MYO18B: variants seen among roughly 807,000 people sequenced by gnomAD.
MYO18B encodes the protein unconventional myosin-XVIIIb.
A neutral mutation model predicts 273.0 loss-of-function variants in MYO18B; 204 were observed. The ratio of observed to expected loss-of-function variants is 0.75; its 90% CI spans 0.67 to 0.84. MYO18B has a LOEUF of 0.84. Ranked by LOEUF, MYO18B falls within the 40% of genes least tolerant of loss-of-function variation. MYO18B has a pLI of 0.00. For missense variants in MYO18B, 3,212 were observed against 3,287.6 expected, an observed-to-expected ratio of 0.98 and a Z score of 0.56; for synonymous variants, 1,330 against 1,305.7, an observed-to-expected ratio of 1.02 and a Z score of -0.40.
intron 39 of MYO18B, among the ~76,000 whole-genome samples, chr22:25,989,758 A>G (rs1268200648): frequency 8.2e-6 from 1 of 122,296 alleles, no homozygotes; most frequent in East Asian, 2.2e-4. Flanking sequence ...AGATAGTGAG[A>G]CTCCGTCTCA....
chr22:26,003,092 C>T (rs1219012258), intron 40 of MYO18B, among the ~76,000 whole-genome samples, 173 bp from the exon 41 acceptor site: 4 of 152,226 alleles, frequency 2.6e-5, no homozygotes, highest in Non-Finnish European at 5.9e-5. Context: ...TTATTTGCCA[C>T]ATTTTAGGAA....
chr22:25,927,159 A>C (rs1190959719), intron 34 of MYO18B, among the ~76,000 whole-genome samples: 2 of 152,208 alleles, frequency 1.3e-5, no homozygotes, highest in East Asian at 3.8e-4. Flanking sequence ...CACCTTGAAA[A>C]AAGAACAGGA....
chr22:25,805,976 G>T (rs1226952173), intron 12 of MYO18B, among the ~76,000 whole-genome samples: 1 of 152,126 alleles, frequency 6.6e-6, no homozygotes. Context: ...TTTCATGTGG[G>T]ACGATTGATT....
chr22:25,907,680 C>T (rs915466962), intron 31 of MYO18B, among the ~76,000 whole-genome samples: 1 of 152,184 alleles, frequency 6.6e-6, no homozygotes, highest in African/African-American at 2.4e-5. Flanking sequence ...CCTATCCACT[C>T]ACCCAGAAAA....
In MYO18B at chr22:25,992,377, G is replaced by A. The variant is rs1253273086; in HGVS notation, c.6171G>A (p.Glu2057=). 2 of 1,614,012 alleles carry A rather than the reference G, an allele frequency of 1.2e-6. No homozygotes were observed. The highest frequency in any genetic ancestry group is 1.7e-6 in the Non-Finnish European group (2 of 1,179,868). The change falls in exon 40 of 44, where the codon GAG becomes GAA. Residue 2057 remains glutamate (E), a synonymous_variant. Coordinates refer to ENST00000335473, the MANE Select transcript of MYO18B (RefSeq NM_032608.7). ...RRCMELEKYV[E]ELAAVRQTLQ... ...TCTGTCCCCAGGAGAAGTACGTGGAGGAACTTGCAGCAGTGAGGCAAACCC... is the reference window on the plus strand; with the variant it reads ...TCTGTCCCCAGGAGAAGTACGTGGAAGAACTTGCAGCAGTGAGGCAAACCC...
chr22:26,055,718 C>A, the MYO18B span, among the ~76,000 whole-genome samples: 1 of 152,124 alleles, frequency 6.6e-6, no homozygotes, highest in African/African-American at 2.4e-5. Flanking sequence ...TTCTGGAAAC[C>A]TTGTGCCCTA....
intron 33 of MYO18B, among the ~76,000 whole-genome samples, chr22:25,919,398 C>T (rs2092308133): frequency 6.6e-6 from 1 of 152,216 alleles, no homozygotes; most frequent in Admixed American, 6.5e-5. Flanking sequence ...TTCATCTTTG[C>T]ATACTTCAGT....
chr22:25,939,504 T>C (rs966781683), intron 34 of MYO18B, among the ~76,000 whole-genome samples: 1 of 152,200 alleles, frequency 6.6e-6, no homozygotes, highest in African/African-American at 2.4e-5. Context: ...GCAAAAATCT[T>C]GGTGTCAACC....
rs1352760473 is a variant in MYO18B, at chr22:25,922,075, CTGCATGGTGT to C, written c.5517+668_5517+677del. 2.0e-5 allele frequency among the ~76,000 whole-genome samples: 3 copies of C among 152,262 alleles called. No individual in the cohort carries two copies. The East Asian group carries it at 5.8e-4, about 29-fold the overall frequency. ...GTCCTCTGTATCTCTGCACATGGTG[CTGCATGGTGT>C]TCTCAGGATTGCTGAGTGAGGTGAG... On this transcript the variant is annotated intron_variant, in intron 34 of 43. Coordinates refer to ENST00000335473, the MANE Select transcript of MYO18B (RefSeq NM_032608.7).
At chr22:25,781,971 C>A in intron 10 of MYO18B, 137 bp downstream of exon 10, 2 of 576,614 alleles carry the variant, frequency 3.5e-6, no homozygotes, top group Non-Finnish European at 5.5e-6. Flanking sequence ...CGTCCGATTC[C>A]AGCTGTCTGG....
Position 26,027,226 on chromosome 22 carries a change from C to T in MYO18B, c.7252C>T (p.Pro2418Ser), listed in dbSNP as rs377090425. The change falls in exon 43 of 44, where the codon CCT becomes TCT. Residue 2418 changes from proline (P) to serine (S), a missense_variant. Transcript: ENST00000335473. The surrounding 1 kb of genome is among the most constrained non-coding windows in gnomAD (Gnocchi z 4.1). The stretch of plus-strand genomic sequence containing the variant: ...CCAGTTTGCCCACCTGATGGAGGAA[C>T]CTCTAGGCAGTGACCCATTCAGCTG... Reference protein sequence around the residue: ...NRQFAHLMEEPLGSDPFSWKL... With the variant: ...NRQFAHLMEESLGSDPFSWKL... 2.5e-6 allele frequency: 4 copies of T among 1,613,864 alleles called. 1 individual carries two copies. Among genetic ancestry groups the T allele is most frequent in the South Asian group, 2.2e-5 (2 of 91,094 alleles).
intron 12 of MYO18B, among the ~76,000 whole-genome samples, chr22:25,812,701 T>G (rs1285751287): frequency 1.3e-5 from 2 of 152,138 alleles, no homozygotes; most frequent in Non-Finnish European, 2.9e-5. Context: ...CTCTGCATGG[T>G]TGAAAGAGCC....
chr22:25,967,934 A>G (rs1482815811), intron 39 of MYO18B, among the ~76,000 whole-genome samples: 1 of 152,186 alleles, frequency 6.6e-6, no homozygotes, highest in Non-Finnish European at 1.5e-5. Flanking sequence ...TATTTACACT[A>G]TGGAAACTGG....
intron 42 of MYO18B, among the ~76,000 whole-genome samples, chr22:26,022,266 G>C (rs936815347): frequency 1.7e-5 from 2 of 116,960 alleles, no homozygotes; most frequent in African/African-American, 6.4e-5. Context: ...TGTGAGGACA[G>C]CTAGAAAAAA....
intron 12 of MYO18B, among the ~76,000 whole-genome samples, chr22:25,814,308 T>C (rs1337692178): frequency 2.9e-5 from 1 of 34,108 alleles, no homozygotes; most frequent in African/African-American, 1.6e-4. Flanking sequence ...TTTTTTTTTT[T>C]TTTTTTTTTT....
chr22:25,857,811 G>A (rs976124468), intron 21 of MYO18B, among the ~76,000 whole-genome samples: 14 of 152,176 alleles, frequency 9.2e-5, no homozygotes, highest in Admixed American at 2.6e-4. Context: ...GCGCCACCAC[G>A]CCAGGCTAAT....
intron 14 of MYO18B, 37 bp from the exon 15 acceptor site, chr22:25,828,739 C>G (rs1361910888): frequency 5.7e-6 from 9 of 1,582,634 alleles, no homozygotes; most frequent in Middle Eastern, 1.7e-4. Context: ...AGATTCCATG[C>G]CATCTCAGAC....
intron 14 of MYO18B, among the ~76,000 whole-genome samples, chr22:25,827,857 G>A (rs1601818513): frequency 2.0e-5 from 3 of 152,210 alleles, no homozygotes; most frequent in Admixed American, 6.5e-5. Flanking sequence ...AATGCCGCAT[G>A]GATGATCAAA....
At chr22:25,861,346 C>T (rs9624922) in intron 21 of MYO18B, among the ~76,000 whole-genome samples, 6,900 of 152,184 alleles carry the variant, frequency 0.045, 332 homozygotes, top group African/African-American at 0.12. Flanking sequence ...TTTATAATGC[C>T]GTATCTTCTG....
Sources: gnomAD v4.1 joint callset for allele counts (sites outside exome capture counted in the v4.1 genomes callset) on GRCh38, gnomAD v4.1.1 for gene constraint, Gnocchi (gnomAD v3.1) non-coding constraint, MANE v1.5 for transcripts, NCBI Gene and HGNC (gene_info 2026-07-23, HGNC 2026-07-21) for gene names.